CLEC16A: variants seen among roughly 807,000 people sequenced by gnomAD.
CLEC16A encodes the protein protein CLEC16A.
CLEC16A carries 51 observed loss-of-function variants against 109.5 expected under a neutral mutation model. The ratio of observed to expected loss-of-function variants is 0.47; its 90% CI spans 0.37 to 0.59. The LOEUF (loss-of-function observed/expected upper bound fraction) is 0.59. Among genes scored for constraint, CLEC16A ranks in the 20% least tolerant of loss-of-function variants. The pLI is 0.00. For missense variants in CLEC16A, 1,339 were observed against 1,394.0 expected (o/e 0.96, Z 0.63); for synonymous variants, 673 against 564.2 (o/e 1.19, Z -2.73).
chr16:11,030,072 C>T (rs1005406838), intron 13 of CLEC16A, among the ~76,000 whole-genome samples: 1 of 152,188 alleles, frequency 6.6e-6, no homozygotes, highest in African/African-American at 2.4e-5. Context: ...TTCATTTCTT[C>T]TTGCTGAGTA....
intron 19 of CLEC16A, among the ~76,000 whole-genome samples, chr16:11,083,931 C>A (rs1027047644): frequency 6.6e-6 from 1 of 152,168 alleles, no homozygotes; most frequent in Non-Finnish European, 1.5e-5. Flanking sequence ...TTCACCTTGT[C>A]CAGGAGGTTG....
rs1597653613 is a variant in CLEC16A at position 11,180,030 on chromosome 16, G to A, written c.*1340G>A. ...GGGCCAGCGGCCCCTCACCTCTCTGGTCACTGGTGAGACCTTCCACAACTT... is the reference window on the plus strand; with the variant it reads ...GGGCCAGCGGCCCCTCACCTCTCTGATCACTGGTGAGACCTTCCACAACTT... On this transcript the variant is annotated 3_prime_UTR_variant, in exon 24 of 24. Coordinates refer to ENST00000409790, the MANE Select transcript of CLEC16A (RefSeq NM_015226.3). The A allele has an allele frequency of 6.6e-6, 1 of 152,624 alleles. No individual in the cohort carries two copies. The highest frequency in any genetic ancestry group is 1.9e-4 in the East Asian group (1 of 5,198). 9.5% of individuals were successfully genotyped at this position (152,624 alleles called of 1,614,324 possible). A position where few individuals can be genotyped will look rare whatever the true frequency, so the allele number is the denominator to read the frequency against.
chr16:11,018,837 G>T (rs2045925730), intron 11 of CLEC16A, among the ~76,000 whole-genome samples: 1 of 152,080 alleles, frequency 6.6e-6, no homozygotes, highest in African/African-American at 2.4e-5. Context: ...AGCCAGCCAG[G>T]CAGGGATGGC....
chr16:10,986,095 A>G (rs2043638212), intron 10 of CLEC16A, among the ~76,000 whole-genome samples: 2 of 127,124 alleles, frequency 1.6e-5, no homozygotes, highest in African/African-American at 3.1e-5. Flanking sequence ...CAGCGGCACG[A>G]TCTCAGCTCA....
chr16:11,102,605 G>A (rs898634250), intron 19 of CLEC16A, among the ~76,000 whole-genome samples: 5 of 152,152 alleles, frequency 3.3e-5, no homozygotes, highest in East Asian at 1.9e-4. Context: ...AGTCCCAACC[G>A]CTTCATTTGA....
At chr16:10,967,325 C>T (rs1291191256) in intron 3 of CLEC16A, among the ~76,000 whole-genome samples, 1 of 152,162 alleles carries the variant, frequency 6.6e-6, no homozygotes, top group Non-Finnish European at 1.5e-5. Flanking sequence ...TCGACGGCTC[C>T]AAATAACTTA....
chr16:11,067,196 T>TG (rs2048817574), intron 19 of CLEC16A, among the ~76,000 whole-genome samples: 1 of 146,388 alleles, frequency 6.8e-6, no homozygotes. Flanking sequence ...TTTGTTTTTT[T>TG]TTTTTTTTTT....
At chr16:11,055,069 A>G (rs926192538) in intron 18 of CLEC16A, among the ~76,000 whole-genome samples, 2 of 152,074 alleles carry the variant, frequency 1.3e-5, no homozygotes, top group African/African-American at 4.8e-5. Context: ...CTAAATATTC[A>G]TAGATTCATC....
chr16:10,972,535 C>T lies in CLEC16A; in HGVS notation c.599-19C>T. On this transcript the variant is annotated intron_variant, in intron 5 of 23. Coordinates refer to ENST00000409790, the MANE Select transcript of CLEC16A (RefSeq NM_015226.3). ...TTTTGCTTTTCCTTCAATGACGATTCCTGTGTTCCTTATTCCAGTGTCATG... is the reference window on the plus strand; with the variant it reads ...TTTTGCTTTTCCTTCAATGACGATTTCTGTGTTCCTTATTCCAGTGTCATG... 6.2e-7 allele frequency: 1 copy of T among 1,612,206 alleles called. No individual in the cohort carries two copies. The highest frequency in any genetic ancestry group is 8.5e-7 in the Non-Finnish European group (1 of 1,178,642).
chr16:11,127,284 C>G (rs1365554165), intron 22 of CLEC16A, among the ~76,000 whole-genome samples: 1 of 152,152 alleles, frequency 6.6e-6, no homozygotes, highest in Non-Finnish European at 1.5e-5. Flanking sequence ...CCTAATTCTC[C>G]TTAACTGTTA....
chr16:11,068,901 A>T (rs1597276031), intron 19 of CLEC16A, among the ~76,000 whole-genome samples: 1 of 150,844 alleles, frequency 6.6e-6, no homozygotes. Context: ...TGCAAGCTCC[A>T]CCTCCCAGAT....
rs900403129 is a variant in CLEC16A at position 11,178,284 on chromosome 16, C to T, written c.2807-51C>T. On this transcript the variant is annotated intron_variant, in intron 23 of 23. Coordinates refer to ENST00000409790, the MANE Select transcript of CLEC16A (RefSeq NM_015226.3). The surrounding 1 kb of genome is among the most constrained non-coding windows in gnomAD (Gnocchi z 6.5). ...GATGGGAGCACAGGGCGCAGTGCGA[C>T]GGGGTGTCTCAAGGGCTCAGTGTGT... 8.0e-6 allele frequency: 12 copies of T among 1,504,144 alleles called. No individual in the cohort carries two copies. The highest frequency in any genetic ancestry group is 4.6e-5 in the East Asian group (2 of 43,948). 93.2% of individuals were successfully genotyped at this position (1,504,144 alleles called of 1,614,324 possible). A position where few individuals can be genotyped will look rare whatever the true frequency, so the allele number is the denominator to read the frequency against.
rs149102726 is a variant in CLEC16A at position 11,179,417 on chromosome 16, A to G, written c.*727A>G. ...TTTGGATTATTTTTTAAACAAAAAC[A>G]AGGGAGATACATGTATTCTCAGGTA... On this transcript the variant is annotated 3_prime_UTR_variant, in exon 24 of 24. Coordinates refer to ENST00000409790, the MANE Select transcript of CLEC16A (RefSeq NM_015226.3). The G allele has an allele frequency of 2.0e-5, 3 of 152,236 alleles. No individual in the cohort carries two copies. The highest frequency in any genetic ancestry group is 4.8e-5 in the African/African-American group (2 of 41,462). 9.4% of individuals were successfully genotyped at this position (152,236 alleles called of 1,614,324 possible).
At chr16:11,175,489 G>GA (rs1308402223) in intron 23 of CLEC16A, among the ~76,000 whole-genome samples, 1 of 152,084 alleles carries the variant, frequency 6.6e-6, no homozygotes, top group Non-Finnish European at 1.5e-5. Context: ...CACTTGACTA[G>GA]AAAAAAGTGT....
rs1391732115 is a variant in CLEC16A at position 10,977,294 on chromosome 16, C to T, written c.798C>T (p.Asp266=). 3 of 1,613,866 alleles carry T rather than the reference C, an allele frequency of 1.9e-6. No individual in the cohort carries two copies. The highest frequency in any genetic ancestry group is 2.5e-6 in the Non-Finnish European group (3 of 1,179,884). ...EHLDHLHYLN[D]ILIINCEFLN... ...TAGACCACCTGCACTATCTCAATGA[C>T]ATCCTGATCATCAACTGTGAGTTCC... is the stretch of plus-strand genomic sequence containing the variant. The change falls in exon 8 of 24, where the codon GAC becomes GAT. Residue 266 remains aspartate (D), a synonymous_variant. Transcript: ENST00000409790.
chr16:11,161,747 G>A (rs1361819846), intron 22 of CLEC16A, among the ~76,000 whole-genome samples: 1 of 152,188 alleles, frequency 6.6e-6, no homozygotes. Flanking sequence ...CAGGAATGGG[G>A]CCCCATAAAG....
intron 19 of CLEC16A, among the ~76,000 whole-genome samples, chr16:11,089,569 G>C (rs1051817175): frequency 2.0e-5 from 3 of 152,168 alleles, no homozygotes; most frequent in Non-Finnish European, 2.9e-5. Context: ...GGAAATGCCT[G>C]TTCCTCCCCT....
At chr16:11,153,145 C>T (rs1188290175) in intron 22 of CLEC16A, among the ~76,000 whole-genome samples, 1 of 152,242 alleles carries the variant, frequency 6.6e-6, no homozygotes, top group Middle Eastern at 3.4e-3. Flanking sequence ...TTTCAGAGCG[C>T]TGTGTTTGTT....
chr16:11,124,923 C>T (rs1371401581), intron 21 of CLEC16A, among the ~76,000 whole-genome samples: 1 of 152,080 alleles, frequency 6.6e-6, no homozygotes, highest in Admixed American at 6.6e-5. Context: ...CCTGTCTCTA[C>T]AAAGAAATTA....
Sources: allele counts gnomAD v4.1 joint callset (sites outside exome capture counted in the v4.1 genomes callset), GRCh38; gene constraint gnomAD v4.1.1; non-coding constraint Gnocchi (gnomAD v3.1); transcripts MANE v1.5; gene names NCBI Gene and HGNC (gene_info 2026-07-23, HGNC 2026-07-21).